The following ULK4 variants were observed in gnomAD, a reference collection of about 807,000 sequenced individuals.
The protein encoded by ULK4 is inactive serine/threonine-protein kinase ULK4.
Under a neutral mutation model 160.6 loss-of-function variants are expected in ULK4, and 133 were observed. That is an observed-to-expected ratio of 0.83 (90% CI 0.72 to 0.96). The LOEUF (loss-of-function observed/expected upper bound fraction) is 0.96, where lower values mean the gene tolerates loss of function less well. ULK4 is among the 40% of genes least tolerant of loss of function. The pLI is 0.00. For synonymous variants in ULK4, 534 were observed against 539.8 expected (o/e 0.99, Z 0.15); for missense variants, 1,580 against 1,499.5 (o/e 1.05, Z -0.89).
intron 32 of ULK4, among the ~76,000 whole-genome samples, chr3:41,495,852 A>G (rs1272345625): frequency 6.6e-6 from 1 of 152,100 alleles, no homozygotes; most frequent in Non-Finnish European, 1.5e-5. Flanking sequence ...TGGCCATCAG[A>G]GAAATGCAAA....
chr3:41,783,172 G>C (rs753179409), intron 21 of ULK4, among the ~76,000 whole-genome samples: 2 of 151,368 alleles, frequency 1.3e-5, no homozygotes, highest in African/African-American at 4.9e-5. Flanking sequence ...ACCTCAGAGA[G>C]GTAAATGTTT....
At chr3:41,588,433 T>G (rs907444955) in intron 31 of ULK4, among the ~76,000 whole-genome samples, 5 of 152,174 alleles carry the variant, frequency 3.3e-5, no homozygotes, top group African/African-American at 9.7e-5. Context: ...TCATGGTGTT[T>G]GAAGCTAAAA....
chr3:41,736,467 T>C (rs969974079), intron 22 of ULK4, among the ~76,000 whole-genome samples: 2 of 152,028 alleles, frequency 1.3e-5, no homozygotes, highest in Non-Finnish European at 2.9e-5. Flanking sequence ...TTTTCATGTG[T>C]GTTTTGGCTG....
chr3:41,612,717 T>G (rs939418652), intron 31 of ULK4, among the ~76,000 whole-genome samples: 4 of 152,184 alleles, frequency 2.6e-5, no homozygotes, highest in Non-Finnish European at 5.9e-5. Context: ...AGATAAGATC[T>G]CAAATTCAGA....
Position 41,935,418 on chromosome 3 carries a change from A to G in ULK4, c.378+383T>C, listed in dbSNP as rs1343714104. Among the ~76,000 whole-genome samples the G allele has an allele frequency of 3.3e-5, 5 of 151,826 alleles. No individual in the cohort carries two copies. In the East Asian group the frequency reaches 5.8e-4, roughly 18 times the overall value. ...AATTTGTATTTTTTTTTTAGTTGAG[A>G]TGGGGTTTCACCATGTTGGCCAGGA... On this transcript the variant is annotated intron_variant, in intron 4 of 36. Transcript: ENST00000301831.
intron 32 of ULK4, among the ~76,000 whole-genome samples, chr3:41,526,044 C>A (rs908675650): frequency 3.3e-5 from 5 of 152,224 alleles, no homozygotes; most frequent in Non-Finnish European, 7.3e-5. Flanking sequence ...ACATTCCCTA[C>A]TTCCATGTCT....
chr3:41,324,784 C>A (rs2080309749), intron 35 of ULK4, among the ~76,000 whole-genome samples: 1 of 152,196 alleles, frequency 6.6e-6, no homozygotes, highest in Non-Finnish European at 1.5e-5. Flanking sequence ...TCATCACAGG[C>A]AATACAACGG....
At chr3:41,941,036 CTTTT>C (rs564613112) in intron 2 of ULK4, among the ~76,000 whole-genome samples, 2 of 141,518 alleles carry the variant, frequency 1.4e-5, no homozygotes, top group Non-Finnish European at 1.5e-5. Flanking sequence ...TGTTCTTAAC[CTTTT>C]TTTTTTTTTT....
chr3:41,838,066 C>T (rs566686298), intron 17 of ULK4, among the ~76,000 whole-genome samples: 1 of 152,316 alleles, frequency 6.6e-6, no homozygotes, highest in East Asian at 1.9e-4. Context: ...TGATCATCTA[C>T]TACACTGAAT....
At position 41,863,399 on chromosome 3, in the gene ULK4, T is replaced by C. The variant is rs115126299; in HGVS notation, c.1656+20475A>G. ...GAAATGCCATCCAAGAGTCAAGTCC[T>C]GAAATCAGAGATCCCAAGAGCCCTT... On this transcript the variant is annotated intron_variant, in intron 17 of 36. Transcript: ENST00000301831. 6.6e-3 allele frequency among the ~76,000 whole-genome samples: 999 copies of C among 151,788 alleles called. 9 individuals carry two copies. The highest frequency in any genetic ancestry group is 0.023 in the African/African-American group (965 of 41,278).
chr3:41,474,634 A>G (rs1575274900), intron 32 of ULK4, among the ~76,000 whole-genome samples: 1 of 152,044 alleles, frequency 6.6e-6, no homozygotes, highest in Non-Finnish European at 1.5e-5. Flanking sequence ...TACAAAATAT[A>G]TATGGAACTC....
chr3:41,620,431 C>T (rs559405697), intron 30 of ULK4, among the ~76,000 whole-genome samples: 1 of 152,330 alleles, frequency 6.6e-6, no homozygotes, highest in East Asian at 1.9e-4. Flanking sequence ...ATCAAGTTGG[C>T]TTCATCCCTG....
At chr3:41,721,360 ATATTTTTTTTTTTTTTT>A (rs1473589966) in intron 22 of ULK4, among the ~76,000 whole-genome samples, 7 of 51,480 alleles carry the variant, frequency 1.4e-4, no homozygotes, top group African/African-American at 7.4e-4. Flanking sequence ...ATATATATAT[ATATTTTTTTTTTTTTTT>A]TTTTGAAACG....
At chr3:41,684,611 T>C (rs1196551329) in intron 27 of ULK4, among the ~76,000 whole-genome samples, 1 of 152,222 alleles carries the variant, frequency 6.6e-6, no homozygotes, top group Admixed American at 6.5e-5. Flanking sequence ...GGATGAGTTC[T>C]GTCTTAAAAG....
chr3:41,902,493 G>A (rs1354985326), intron 12 of ULK4, among the ~76,000 whole-genome samples: 15 of 150,814 alleles, frequency 9.9e-5, no homozygotes, highest in East Asian at 3.9e-4. Flanking sequence ...CAGGAGAATC[G>A]CTTGAACCTG....
At chr3:41,738,863 G>A (rs1240717927) in intron 22 of ULK4, among the ~76,000 whole-genome samples, 2 of 151,858 alleles carry the variant, frequency 1.3e-5, no homozygotes, top group East Asian at 1.9e-4. Context: ...AGTAAGTAAA[G>A]GCTCTGCAGC....
intron 17 of ULK4, among the ~76,000 whole-genome samples, chr3:41,839,449 A>C (rs1236442283): frequency 6.7e-6 from 1 of 149,232 alleles, no homozygotes; most frequent in Non-Finnish European, 1.5e-5. Context: ...TGTATATAAT[A>C]ATATACAATT....
chr3:41,703,509 C>T (rs1037434147), intron 27 of ULK4, among the ~76,000 whole-genome samples: 4 of 151,572 alleles, frequency 2.6e-5, no homozygotes, highest in African/African-American at 7.3e-5. Context: ...ATGATGCTAA[C>T]GCAGTATTTA....
At chr3:41,566,231 A>G (rs1244595991) in intron 31 of ULK4, 101 bp from the exon 32 acceptor site, 21 of 963,708 alleles carry the variant, frequency 2.2e-5, no homozygotes, top group Non-Finnish European at 3.2e-5. Context: ...TTCTTTGCAC[A>G]AGGTTAAATG....
Sources: allele counts gnomAD v4.1 joint callset (sites outside exome capture counted in the v4.1 genomes callset), GRCh38; gene constraint gnomAD v4.1.1; transcripts MANE v1.5; gene names NCBI Gene and HGNC (gene_info 2026-07-23, HGNC 2026-07-21).